Variants in IPO11 observed in about 807,000 individuals in gnomAD.
IPO11 encodes importin 11.
A neutral mutation model predicts 143.2 loss-of-function variants in IPO11; 66 were observed. The observed-to-expected ratio is 0.46, with a 90% CI of 0.38 to 0.57. IPO11 has a LOEUF of 0.57. Ranked by LOEUF, IPO11 falls within the 20% of genes least tolerant of loss-of-function variation. IPO11 has a pLI of 0.00. For synonymous variants in IPO11, 385 were observed against 377.8 expected, an observed-to-expected ratio of 1.02 and a Z score of -0.22; for missense variants, 1,026 against 1,141.0, an observed-to-expected ratio of 0.90 and a Z score of 1.45.
In IPO11 at chr5:62,483,136, T is replaced by G; in HGVS notation, c.864T>G (p.Phe288Leu). Residue 288 changes from phenylalanine to leucine, a missense_variant, in exon 10 of 30, where the codon TTT becomes TTG. Transcript: ENST00000325324. ...TCTTGGATCAGCATCCTTTTTCATT[T>G]ACTCCTCTAATTCAGAGATCACTGG... ...LDFLDQHPFS[F>L]TPLIQRSLEF... 6.2e-7 allele frequency: 1 copy of G among 1,606,330 alleles called. No individual in the cohort carries two copies. The highest frequency in any genetic ancestry group is 1.1e-5 in the South Asian group (1 of 89,148).
At chr5:62,575,201 A>G (rs945562384) in intron 27 of IPO11, among the ~76,000 whole-genome samples, 2 of 152,220 alleles carry the variant, frequency 1.3e-5, no homozygotes, top group African/African-American at 2.4e-5. Context: ...CTTAGAAATT[A>G]TTTCAGACTT....
At chr5:62,452,295 A>G (rs1744961662) in intron 5 of IPO11, among the ~76,000 whole-genome samples, 1 of 151,354 alleles carries the variant, frequency 6.6e-6, no homozygotes, top group African/African-American at 2.5e-5. Flanking sequence ...TTGTAAAAAA[A>G]AATGACTATA....
intron 24 of IPO11, among the ~76,000 whole-genome samples, chr5:62,549,837 C>A (rs980998867): frequency 1.3e-5 from 2 of 152,178 alleles, no homozygotes; most frequent in Non-Finnish European, 2.9e-5. Flanking sequence ...CATGACTGAT[C>A]TGTATAATTA....
chr5:62,432,438 C>G (rs2112119008), intron 1 of IPO11, among the ~76,000 whole-genome samples: 1 of 152,278 alleles, frequency 6.6e-6, no homozygotes, highest in East Asian at 1.9e-4. Context: ...AACCGTAGCC[C>G]TTGGCTGGGA....
At chr5:62,494,276 G>C (rs1366554014) in intron 16 of IPO11, 152 bp downstream of exon 16, 1 of 547,572 alleles carries the variant, frequency 1.8e-6, no homozygotes, top group Non-Finnish European at 2.8e-6. Flanking sequence ...TTTGAGGGTA[G>C]AAAATCTTTT....
intron 14 of IPO11, among the ~76,000 whole-genome samples, chr5:62,489,586 C>T (rs1035983284): frequency 5.9e-5 from 9 of 152,036 alleles, no homozygotes; most frequent in African/African-American, 2.2e-4. Flanking sequence ...AGGAAAGATT[C>T]CCAAAGAAGT....
chr5:62,487,626 CCTTA>C (rs769234267), intron 12 of IPO11, 141 bp from the exon 13 acceptor site: 83 of 773,378 alleles, frequency 1.1e-4, no homozygotes, highest in African/African-American at 3.9e-4. Flanking sequence ...AAAATGGTAA[CCTTA>C]CTTTTTTTTT....
intron 5 of IPO11, among the ~76,000 whole-genome samples, chr5:62,464,538 C>T (rs1375623056): frequency 6.7e-6 from 1 of 149,910 alleles, no homozygotes; most frequent in Non-Finnish European, 1.5e-5. Flanking sequence ...GGTGTGATCT[C>T]GGCTCACTGC....
In IPO11 at chr5:62,450,675, A is replaced by AC. The variant is rs938058526; in HGVS notation, c.312+676_312+677insC. Among the ~76,000 whole-genome samples the AC allele has an allele frequency of 3.4e-3, 514 of 151,820 alleles. 3 individuals are homozygous for AC. The highest frequency in any genetic ancestry group is 0.012 in the African/African-American group (485 of 41,408). On this transcript the variant is annotated intron_variant, in intron 4 of 29. Coordinates refer to ENST00000325324, the MANE Select transcript of IPO11 (RefSeq NM_016338.5). ...CTTCCCCACCATTTAAAAAAAAAAA[A>AC]AACAACTCAGAATGGCTTCAGGTTT... is the stretch of plus-strand genomic sequence containing the variant.
Position 62,506,370 on chromosome 5 carries a change from TA to T in IPO11, c.1782+17del. The stretch of plus-strand genomic sequence containing the variant: ...AGTCAACATGCAGGTAATTATATTG[TA>T]AAACATGAAAATAAATGAGGGGTGG... On this transcript the variant is annotated intron_variant, in intron 19 of 29. Transcript: ENST00000325324. The T allele has an allele frequency of 7.2e-7, 1 of 1,388,244 alleles. No individual in the cohort carries two copies. Among genetic ancestry groups the T allele is most frequent in the Non-Finnish European group, 1.0e-6 (1 of 980,604 alleles). 86.0% of individuals were successfully genotyped at this position (1,388,244 alleles called of 1,614,324 possible).
rs1051691528 is a variant in IPO11 at position 62,418,877 on chromosome 5, T to G, written c.-7+5948T>G. 1.7e-5 allele frequency: 17 copies of G among 1,014,124 alleles called. No individual in the cohort carries two copies. The African/African-American group carries it at 2.7e-4, about 16-fold the overall frequency. The allele number at this position is 1,014,124 out of a possible 1,614,324, so 62.8% of individuals were successfully genotyped here. ...TCTTATATGCCTGTGCAGGGGTTTC[T>G]GTGATTATAGCACCAGGTGTGAAAC... is the stretch of plus-strand genomic sequence containing the variant. On this transcript the variant is annotated intron_variant, in intron 1 of 29. Coordinates refer to ENST00000325324, the MANE Select transcript of IPO11 (RefSeq NM_016338.5).
Position 62,455,033 on chromosome 5 carries a change from A to G in IPO11, c.516+3100A>G, listed in dbSNP as rs115813564. On this transcript the variant is annotated intron_variant, in intron 5 of 29. Coordinates refer to ENST00000325324, the MANE Select transcript of IPO11 (RefSeq NM_016338.5). ...GACTAAAGTAGGGACTAGGAAGGGT[A>G]TCCTGTCTAATGCGGTTGAGGTACA... 7.2e-3 allele frequency among the ~76,000 whole-genome samples: 1,103 copies of G among 152,330 alleles called. 14 individuals carry two copies. The highest frequency in any genetic ancestry group is 0.025 in the African/African-American group (1,038 of 41,580).
At chr5:62,531,091 T>C (rs530718344) in intron 22 of IPO11, among the ~76,000 whole-genome samples, 3 of 152,306 alleles carry the variant, frequency 2.0e-5, no homozygotes, top group African/African-American at 7.2e-5. Context: ...GAGTACTCAA[T>C]GTTTAGCTTC....
intron 29 of IPO11, among the ~76,000 whole-genome samples, chr5:62,622,739 A>G (rs1215108189): frequency 6.6e-6 from 1 of 152,234 alleles, no homozygotes; most frequent in Non-Finnish European, 1.5e-5. Context: ...AAGAAAAATA[A>G]TTATGTCAGG....
intron 1 of IPO11, among the ~76,000 whole-genome samples, chr5:62,432,025 G>A (rs569724815): frequency 9.2e-5 from 14 of 152,040 alleles, no homozygotes; most frequent in Non-Finnish European, 1.5e-4. Context: ...TTTATACCAA[G>A]TTTTTCTTCT....
At chr5:62,600,129 C>T (rs1174038186) in intron 28 of IPO11, among the ~76,000 whole-genome samples, 3 of 152,184 alleles carry the variant, frequency 2.0e-5, no homozygotes, top group African/African-American at 4.8e-5. Context: ...ACCTCCACCT[C>T]GTGGGTTCAG....
intron 1 of IPO11, among the ~76,000 whole-genome samples, chr5:62,413,661 C>T (rs2112082640): frequency 6.6e-6 from 1 of 152,172 alleles, no homozygotes; most frequent in East Asian, 1.9e-4. Flanking sequence ...GTTGACATAC[C>T]TCCTCCCCTC....
chr5:62,599,267 T>C (rs1227674966), intron 28 of IPO11, among the ~76,000 whole-genome samples: 1 of 152,236 alleles, frequency 6.6e-6, no homozygotes, highest in Non-Finnish European at 1.5e-5. Flanking sequence ...ATCCCTCCTG[T>C]GCACACAGAT....
At chr5:62,484,255 G>T in intron 11 of IPO11, 93 bp downstream of exon 11, 1 of 1,022,372 alleles carries the variant, frequency 9.8e-7, no homozygotes, top group Non-Finnish European at 1.4e-6. Flanking sequence ...TTTTCATACA[G>T]CACTTTTGAT....
Sources: gnomAD v4.1 joint callset for allele counts (sites outside exome capture counted in the v4.1 genomes callset) on GRCh38, gnomAD v4.1.1 for gene constraint, MANE v1.5 for transcripts, NCBI Gene and HGNC (gene_info 2026-07-23, HGNC 2026-07-21) for gene names.